USH2A: variants seen among roughly 807,000 people sequenced by gnomAD.
The protein encoded by USH2A is usherin, also known as Usher syndrome 2A (autosomal recessive, mild).
In USH2A, 443 loss-of-function variants were observed where a neutral mutation model predicts 538.9. The observed-to-expected ratio is 0.82, with a 90% CI of 0.76 to 0.89. The LOEUF is 0.89. USH2A is among the 40% of genes least tolerant of loss of function. The pLI, the probability that USH2A is intolerant of heterozygous loss-of-function variation, is 0.00. For missense variants in USH2A, 6,633 were observed against 6,324.8 expected, an observed-to-expected ratio of 1.05 and a Z score of -1.65; for synonymous variants, 2,413 against 2,273.5, an observed-to-expected ratio of 1.06 and a Z score of -1.75.
At chr1:216,131,939 G>A (rs2102603046) in intron 21 of USH2A, among the ~76,000 whole-genome samples, 1 of 152,094 alleles carries the variant, frequency 6.6e-6, no homozygotes, top group East Asian at 1.9e-4. Flanking sequence ...AGAAAGGCAT[G>A]GTAATTATCA....
At chr1:216,419,704 A>T (rs567097455) in intron 2 of USH2A, among the ~76,000 whole-genome samples, 1 of 152,226 alleles carries the variant, frequency 6.6e-6, no homozygotes, top group Non-Finnish European at 1.5e-5. Context: ...TCTCTCAAAA[A>T]ATGATGAGTT....
At chr1:216,381,986 T>C (rs998583318) in intron 3 of USH2A, among the ~76,000 whole-genome samples, 4 of 152,198 alleles carry the variant, frequency 2.6e-5, no homozygotes, top group African/African-American at 9.6e-5. Context: ...TTCAATTCCT[T>C]GTAGTTCATG....
At chr1:215,627,457 C>CTTCCTTCCTTCCTTCCTTCCTTCCTTCT (rs1656090954) in intron 71 of USH2A, among the ~76,000 whole-genome samples, 3 of 117,910 alleles carry the variant, frequency 2.5e-5, no homozygotes, top group African/African-American at 6.2e-5. Context: ...TCCTTCCTTC[C>CTTCCTTCCTTCCTTCCTTCCTTCCTTCT]TTCCTTCCTT....
chr1:215,948,499 C>T (rs1666815762), intron 37 of USH2A, among the ~76,000 whole-genome samples: 1 of 150,858 alleles, frequency 6.6e-6, no homozygotes, highest in African/African-American at 2.4e-5. Context: ...CATATATGAT[C>T]TACTGTCATA....
At chr1:215,788,362 G>A (rs543559842) in intron 51 of USH2A, among the ~76,000 whole-genome samples, 2 of 152,216 alleles carry the variant, frequency 1.3e-5, no homozygotes, top group Non-Finnish European at 2.9e-5. Flanking sequence ...CTATATCCAG[G>A]TAGGAACTGT....
At chr1:216,343,597 C>T (rs1287846551) in intron 4 of USH2A, among the ~76,000 whole-genome samples, 1 of 150,758 alleles carries the variant, frequency 6.6e-6, no homozygotes, top group Non-Finnish European at 1.5e-5. Context: ...AACAAATTCT[C>T]AATGTGGTAC....
At chr1:216,299,035 G>C (rs755244929) in intron 9 of USH2A, among the ~76,000 whole-genome samples, 1 of 151,928 alleles carries the variant, frequency 6.6e-6, no homozygotes. Context: ...GTAGAGACGG[G>C]GTTTCACCAT....
chr1:215,647,303 C>T (rs1230772069), intron 67 of USH2A, among the ~76,000 whole-genome samples: 1 of 152,194 alleles, frequency 6.6e-6, no homozygotes, highest in Non-Finnish European at 1.5e-5. Flanking sequence ...ACCCTATCCC[C>T]ACAAGAAAAT....
At chr1:215,758,489 C>T (rs554222622) in intron 58 of USH2A, 106 bp downstream of exon 58, 17 of 1,394,626 alleles carry the variant, frequency 1.2e-5, no homozygotes, top group African/African-American at 1.4e-5. Context: ...TCCAGGAGAC[C>T]GACTATGTCT....
intron 47 of USH2A, among the ~76,000 whole-genome samples, chr1:215,836,295 C>T (rs931771314): frequency 1.3e-5 from 2 of 149,398 alleles, no homozygotes; most frequent in African/African-American, 4.9e-5. Flanking sequence ...CTATTTTTCT[C>T]TTTATGTTCT....
At chr1:215,699,849 T>C (rs1388707849) in intron 61 of USH2A, among the ~76,000 whole-genome samples, 2 of 152,230 alleles carry the variant, frequency 1.3e-5, no homozygotes, top group African/African-American at 4.8e-5. Context: ...CCATGTTGAA[T>C]AGAAATGGTG....
intron 32 of USH2A, among the ~76,000 whole-genome samples, chr1:216,002,987 A>C (rs1668301919): frequency 6.6e-6 from 1 of 152,120 alleles, no homozygotes; most frequent in Non-Finnish European, 1.5e-5. Context: ...ATGATCACCT[A>C]AGCCCTAAAC....
At chr1:215,941,186 C>T (rs1020379373) in intron 37 of USH2A, among the ~76,000 whole-genome samples, 3 of 151,902 alleles carry the variant, frequency 2.0e-5, no homozygotes, top group Non-Finnish European at 4.4e-5. Context: ...CTTAATATTG[C>T]TGTAATCCTA....
intron 26 of USH2A, among the ~76,000 whole-genome samples, chr1:216,078,599 T>C: frequency 6.6e-6 from 1 of 152,140 alleles, no homozygotes; most frequent in East Asian, 1.9e-4. Context: ...CTACTAATGA[T>C]TATAGGATGT....
rs2038341368 is a variant in USH2A, at chr1:216,354,334, A to G, written c.784+10619T>C. ...GCAAAGTGTTTATCATACAATAAAA[A>G]TATTTAAGACACATGAGAAATCAAC... is the stretch of plus-strand genomic sequence containing the variant. On this transcript the variant is annotated intron_variant, in intron 4 of 71. Transcript: ENST00000307340. Among the ~76,000 whole-genome samples the G allele has an allele frequency of 3.3e-5, 5 of 152,324 alleles. No individual in the cohort carries two copies. In the East Asian group the frequency reaches 9.6e-4, roughly 29 times the overall value.
At chr1:216,034,176 C>T (rs73094507) in intron 32 of USH2A, among the ~76,000 whole-genome samples, 9 of 151,850 alleles carry the variant, frequency 5.9e-5, no homozygotes, top group East Asian at 1.9e-4. Context: ...AACATTTGTG[C>T]GTGGAAGAAA....
chr1:215,878,949 G>C lies in USH2A; in HGVS notation c.8373C>G (p.Val2791=). 1 of 1,614,068 alleles carries C rather than the reference G, an allele frequency of 6.2e-7. No homozygotes were observed. Among genetic ancestry groups the C allele is most frequent in the Non-Finnish European group, 8.5e-7 (1 of 1,179,986 alleles). The part of the protein sequence containing the change: ...THLIPFTNYS[V]TIVACSGGNG... ...TACCCCCTGAGCAAGCAACAATGGT[G>C]ACAGAATAATTAGTGAAAGGAATCA... Residue 2791 remains valine, a synonymous_variant, in exon 42 of 72, where the codon GTC becomes GTG. Coordinates refer to ENST00000307340, the MANE Select transcript of USH2A (RefSeq NM_206933.4).
At chr1:216,183,924 A>G (rs2034540820) in intron 20 of USH2A, among the ~76,000 whole-genome samples, 1 of 152,036 alleles carries the variant, frequency 6.6e-6, no homozygotes, top group African/African-American at 2.4e-5. Context: ...TAACTTAAAC[A>G]TTGCTTAAGA....
intron 12 of USH2A, among the ~76,000 whole-genome samples, chr1:216,248,649 A>T (rs1291364093): frequency 6.6e-6 from 1 of 152,114 alleles, no homozygotes; most frequent in African/African-American, 2.4e-5. Context: ...TAAGGAAAAT[A>T]AAAAAGGACC....
Sources: allele counts gnomAD v4.1 joint callset (sites outside exome capture counted in the v4.1 genomes callset), GRCh38; gene constraint gnomAD v4.1.1; transcripts MANE v1.5; gene names NCBI Gene and HGNC (gene_info 2026-07-23, HGNC 2026-07-21).